KAT2B: variants seen among roughly 807,000 people sequenced by gnomAD.
KAT2B encodes lysine acetyltransferase 2B.
A neutral mutation model predicts 105.9 loss-of-function variants in KAT2B; 36 were observed. The ratio of observed to expected loss-of-function variants is 0.34; its 90% CI spans 0.26 to 0.45. The LOEUF (loss-of-function observed/expected upper bound fraction) is 0.45. KAT2B is among the 20% of genes least tolerant of loss of function. KAT2B has a pLI of 1.00. For synonymous variants in KAT2B, 397 were observed against 377.9 expected, an observed-to-expected ratio of 1.05 and a Z score of -0.59; for missense variants, 820 against 1,021.6, an observed-to-expected ratio of 0.80 and a Z score of 2.69.
intron 17 of KAT2B, among the ~76,000 whole-genome samples, chr3:20,150,336 G>C (rs796950685): frequency 6.6e-6 from 1 of 152,012 alleles, no homozygotes; most frequent in African/African-American, 2.4e-5. Flanking sequence ...ATTTTCCCAC[G>C]ATTTCCTTAT....
chr3:20,122,740 C>T lies in KAT2B; in HGVS notation c.1349C>T (p.Pro450Leu), dbSNP rs577306981. ...AAACCCCGAGTTATGGGGGATATTC[C>T]GATGGAATTAATCAACGAGGTTATG... is the stretch of plus-strand genomic sequence containing the variant. Reference protein sequence around the residue: ...AKKPRVMGDIPMELINEVMST... With the variant: ...AKKPRVMGDILMELINEVMST... Residue 450 changes from proline to leucine, a missense_variant, in exon 9 of 18, where the codon CCG (proline) becomes CTG (leucine). Pro to Leu is a moderately conservative substitution (Grantham distance 98, BLOSUM62 -3). Transcript: ENST00000263754. The T allele has an allele frequency of 3.1e-5, 50 of 1,613,906 alleles. No homozygotes were observed. The East Asian group carries it at 3.6e-4, about 12-fold the overall frequency.
chr3:20,144,451 G>C (rs1369950700), intron 13 of KAT2B, among the ~76,000 whole-genome samples: 1 of 151,556 alleles, frequency 6.6e-6, no homozygotes, highest in Non-Finnish European at 1.5e-5. Flanking sequence ...ACCATGCCCA[G>C]CTAATTTTTT....
intron 9 of KAT2B, among the ~76,000 whole-genome samples, chr3:20,125,205 T>A (rs376664578): frequency 6.7e-6 from 1 of 148,172 alleles, no homozygotes; most frequent in African/African-American, 2.5e-5. Context: ...CTCCAGAGGC[T>A]GAGGCAGGAG....
intron 1 of KAT2B, among the ~76,000 whole-genome samples, chr3:20,068,666 A>T (rs940511253): frequency 2.0e-5 from 3 of 152,088 alleles, no homozygotes; most frequent in African/African-American, 7.2e-5. Context: ...TCTTTGTTTC[A>T]TAGTCAATAG....
At chr3:20,086,755 T>A (rs1371166546) in intron 2 of KAT2B, among the ~76,000 whole-genome samples, 1 of 152,174 alleles carries the variant, frequency 6.6e-6, no homozygotes, top group East Asian at 1.9e-4. Flanking sequence ...CTTTAAACTG[T>A]CTTCCTCTAG....
At chr3:20,146,185 T>C (rs943302317) in intron 13 of KAT2B, 131 bp from the exon 14 acceptor site, 1 of 645,728 alleles carries the variant, frequency 1.5e-6, no homozygotes, top group African/African-American at 1.8e-5. Context: ...TTAAATAGCA[T>C]TCACCCCTTT....
At chr3:20,084,998 ATTTAC>A (rs1698587701) in intron 2 of KAT2B, among the ~76,000 whole-genome samples, 1 of 152,180 alleles carries the variant, frequency 6.6e-6, no homozygotes, top group African/African-American at 2.4e-5. Flanking sequence ...ATCTGAAGGA[ATTTAC>A]TTGATATTGT....
chr3:20,142,875 A>ATATATATATATAATTGGGTTATG (rs1386811175), intron 13 of KAT2B, among the ~76,000 whole-genome samples: 6,073 of 150,950 alleles, frequency 0.04, 197 homozygotes, highest in South Asian at 0.064. Flanking sequence ...ATAATTGGGT[A>ATATATATATATAATTGGGTTATG]TCTATGTGCC....
At chr3:20,046,897 A>G (rs920912268) in intron 1 of KAT2B, among the ~76,000 whole-genome samples, 9 of 152,156 alleles carry the variant, frequency 5.9e-5, no homozygotes, top group Non-Finnish European at 8.8e-5. Flanking sequence ...GCAACTGGCA[A>G]CTAGTGAGTG....
At chr3:20,115,077 T>C (rs1699182368) in intron 7 of KAT2B, 89 bp downstream of exon 7, 2 of 767,996 alleles carry the variant, frequency 2.6e-6, no homozygotes, top group African/African-American at 3.5e-5. Flanking sequence ...TACTTAGCTC[T>C]ATAGTCAAAT....
chr3:20,119,144 A>G (rs150306830), intron 7 of KAT2B, among the ~76,000 whole-genome samples: 22 of 152,198 alleles, frequency 1.4e-4, no homozygotes, highest in Admixed American at 1.4e-3. Flanking sequence ...TTTTTAATCA[A>G]AAAAATACTT....
At chr3:20,078,507 G>A (rs1698459673) in intron 2 of KAT2B, among the ~76,000 whole-genome samples, 1 of 151,794 alleles carries the variant, frequency 6.6e-6, no homozygotes, top group Non-Finnish European at 1.5e-5. Context: ...CGAGTAGCTG[G>A]GACCACAGAC....
Position 20,148,443 on chromosome 3 carries a change from G to A in KAT2B, c.2261G>A (p.Arg754Lys). 1.2e-6 allele frequency: 2 copies of A among 1,610,080 alleles called. No individual in the cohort carries two copies. The highest frequency in any genetic ancestry group is 8.5e-7 in the Non-Finnish European group (1 of 1,178,996). ...SAWPFMEPVK[R>K]TEAPGYYEVI... ...TGGCCCTTCATGGAACCTGTGAAGAGAACAGAAGCTCCAGGATATTATGAA... is the reference window on the plus strand; with the variant it reads ...TGGCCCTTCATGGAACCTGTGAAGAAAACAGAAGCTCCAGGATATTATGAA... The change falls in exon 17 of 18, where the codon AGA (arginine) becomes AAA (lysine). Residue 754 changes from arginine (R) to lysine (K), a missense_variant. Coordinates refer to ENST00000263754, the MANE Select transcript of KAT2B (RefSeq NM_003884.5).
At chr3:20,052,813 C>CA (rs1334326611) in intron 1 of KAT2B, among the ~76,000 whole-genome samples, 1 of 151,958 alleles carries the variant, frequency 6.6e-6, no homozygotes, top group Non-Finnish European at 1.5e-5. Flanking sequence ...ACTAAAAAAA[C>CA]AAAAAGACGA....
chr3:20,082,942 G>C (rs910383839), intron 2 of KAT2B, among the ~76,000 whole-genome samples: 9 of 152,030 alleles, frequency 5.9e-5, no homozygotes, highest in Non-Finnish European at 1.5e-5. Context: ...ACAGCCAGTA[G>C]TATGAAAAAC....
intron 2 of KAT2B, among the ~76,000 whole-genome samples, chr3:20,076,175 G>GCAGGA (rs1329725728): frequency 2.0e-5 from 3 of 152,140 alleles, no homozygotes; most frequent in African/African-American, 7.2e-5. Flanking sequence ...GGTTTTAAGA[G>GCAGGA]CTTGTGACAG....
chr3:20,119,542 G>T, intron 7 of KAT2B, 56 bp from the exon 8 acceptor site: 6 of 1,603,504 alleles, frequency 3.7e-6, no homozygotes, highest in Non-Finnish European at 5.1e-6. Flanking sequence ...TTCGTTTCTT[G>T]TTACCTAAGA....
intron 7 of KAT2B, among the ~76,000 whole-genome samples, chr3:20,116,926 AACCACTACATCAC>A (rs1456404298): frequency 6.6e-6 from 1 of 152,242 alleles, no homozygotes; most frequent in African/African-American, 2.4e-5. Flanking sequence ...CCAGAACTCT[AACCACTACATCAC>A]ACCATCTTGG....
At chr3:20,084,206 T>A (rs1427113824) in intron 2 of KAT2B, among the ~76,000 whole-genome samples, 1 of 152,178 alleles carries the variant, frequency 6.6e-6, no homozygotes, top group Non-Finnish European at 1.5e-5. Context: ...GGGAAGCTTC[T>A]CTTTGATAAC....
Sources: gnomAD v4.1 joint callset for allele counts (sites outside exome capture counted in the v4.1 genomes callset) on GRCh38, gnomAD v4.1.1 for gene constraint, MANE v1.5 for transcripts, NCBI Gene and HGNC (gene_info 2026-07-23, HGNC 2026-07-21) for gene names.